SEZ6L: variants seen among roughly 807,000 people sequenced by gnomAD.
SEZ6L encodes the protein seizure related 6 homolog like.
SEZ6L carries 37 observed loss-of-function variants against 106.2 expected under a neutral mutation model. The ratio of observed to expected loss-of-function variants is 0.35; its 90% confidence interval spans 0.27 to 0.46. The LOEUF (loss-of-function observed/expected upper bound fraction) is 0.46. SEZ6L is among the 20% of genes least tolerant of loss of function. The pLI, the probability that SEZ6L is intolerant of heterozygous loss-of-function variation, is 1.00. For synonymous variants in SEZ6L, 541 were observed against 570.4 expected, an observed-to-expected ratio of 0.95 and a Z score of 0.73; for missense variants, 1,172 against 1,332.8, an observed-to-expected ratio of 0.88 and a Z score of 1.88.
intron 1 of SEZ6L, among the ~76,000 whole-genome samples, chr22:26,258,770 G>A (rs950643959): frequency 2.0e-5 from 3 of 152,232 alleles, no homozygotes; most frequent in Admixed American, 1.3e-4. Context: ...GGGGAGTGAA[G>A]GAGTTGAGGC....
intron 14 of SEZ6L, among the ~76,000 whole-genome samples, chr22:26,374,095 A>G (rs1236616823): frequency 6.6e-6 from 1 of 152,074 alleles, no homozygotes; most frequent in African/African-American, 2.4e-5. Context: ...CGTGTGTAAA[A>G]TGTCCAGCGT....
Position 26,294,377 on chromosome 22 carries a change from G to A in SEZ6L, c.921G>A (p.Glu307=). 1.2e-6 allele frequency: 2 copies of A among 1,614,120 alleles called. No homozygotes were observed. Among genetic ancestry groups the A allele is most frequent in the Non-Finnish European group, 8.5e-7 (1 of 1,180,014 alleles). Residue 307 remains glutamate (E), a synonymous_variant, in exon 3 of 17, where the codon GAG becomes GAA. Coordinates refer to ENST00000248933, the MANE Select transcript of SEZ6L (RefSeq NM_021115.5). ...TGCTGCCCCTCAACAACTTTCTGGAGTGCACATACAACGTGACAGTCTACA... is the reference window on the plus strand; with the variant it reads ...TGCTGCCCCTCAACAACTTTCTGGAATGCACATACAACGTGACAGTCTACA... ...YPLLPLNNFL[E]CTYNVTVYTG... is the part of the protein sequence containing the mutation.
intron 1 of SEZ6L, among the ~76,000 whole-genome samples, chr22:26,283,073 C>T (rs1008041306): frequency 6.6e-6 from 1 of 151,932 alleles, no homozygotes; most frequent in Non-Finnish European, 1.5e-5. Context: ...ACAGGTGTGC[C>T]GCCACACCTG....
At chr22:26,314,898 A>G (rs1409301184) in intron 9 of SEZ6L, among the ~76,000 whole-genome samples, 2 of 152,248 alleles carry the variant, frequency 1.3e-5, no homozygotes, top group Admixed American at 6.5e-5. Context: ...GCTGAAATTC[A>G]GGCTTCTGTG....
intron 1 of SEZ6L, among the ~76,000 whole-genome samples, chr22:26,282,792 G>A (rs1280105377): frequency 6.6e-6 from 1 of 152,216 alleles, no homozygotes; most frequent in Non-Finnish European, 1.5e-5. Flanking sequence ...CTTCACTGCT[G>A]AAGAGCAGCA....
intron 1 of SEZ6L, among the ~76,000 whole-genome samples, chr22:26,170,646 A>T (rs1289646518): frequency 1.3e-5 from 2 of 152,094 alleles, no homozygotes; most frequent in Non-Finnish European, 2.9e-5. Flanking sequence ...AGAGGGCCAG[A>T]TAGAGAGAGG....
chr22:26,181,407 T>G (rs1231258498), intron 1 of SEZ6L, among the ~76,000 whole-genome samples: 4 of 152,202 alleles, frequency 2.6e-5, no homozygotes, highest in Non-Finnish European at 5.9e-5. Context: ...TGGAAATTAA[T>G]GTAAAATATG....
At chr22:26,254,309 C>T (rs983453563) in intron 1 of SEZ6L, among the ~76,000 whole-genome samples, 3 of 151,652 alleles carry the variant, frequency 2.0e-5, no homozygotes, top group African/African-American at 7.3e-5. Flanking sequence ...CACAAAGATG[C>T]TCATTAACTA....
At chr22:26,277,771 C>G (rs1601354149) in intron 1 of SEZ6L, among the ~76,000 whole-genome samples, 1 of 152,102 alleles carries the variant, frequency 6.6e-6, no homozygotes, top group Admixed American at 6.6e-5. Flanking sequence ...AGAACCATGG[C>G]CACAGAATGG....
intron 1 of SEZ6L, among the ~76,000 whole-genome samples, chr22:26,174,438 G>A (rs867387577): frequency 9.9e-5 from 15 of 152,162 alleles, no homozygotes; most frequent in Admixed American, 4.6e-4. Context: ...ATAATCTGTC[G>A]GACCTGCCTG....
At chr22:26,369,499 C>T (rs2083946145) in intron 13 of SEZ6L, among the ~76,000 whole-genome samples, 1 of 151,462 alleles carries the variant, frequency 6.6e-6, no homozygotes, top group African/African-American at 2.4e-5. Flanking sequence ...CGCCACCACA[C>T]CCGGCTAATT....
At chr22:26,354,511 G>C (rs1019633009) in intron 12 of SEZ6L, among the ~76,000 whole-genome samples, 14 of 152,150 alleles carry the variant, frequency 9.2e-5, no homozygotes, top group African/African-American at 3.4e-4. Flanking sequence ...GTGGTCCTTT[G>C]TCAAGGGCAG....
rs200709491 is a variant in SEZ6L at position 26,347,842 on chromosome 22, T to C, written c.2336T>C (p.Ile779Thr). The change falls in exon 11 of 17, where the codon ATC becomes ACC. Residue 779 changes from isoleucine (I) to threonine (T), a missense_variant. Around this residue, in one of 4 missense-constraint regions of SEZ6L, gnomAD observed 534 missense variants for 691.0 expected, o/e 0.77. Coordinates refer to ENST00000248933, the MANE Select transcript of SEZ6L (RefSeq NM_021115.5). The stretch of plus-strand genomic sequence containing the variant: ...TACCAGTGTGACCCCGGCTATGACA[T>C]CGTGGGGAGTGACACCCTCACCTGC... ...ITYQCDPGYDIVGSDTLTCQW... is the reference protein window; with the variant it reads ...ITYQCDPGYDTVGSDTLTCQW... 8.1e-6 allele frequency: 13 copies of C among 1,602,028 alleles called. No homozygotes were observed. Among genetic ancestry groups the C allele is most frequent in the Non-Finnish European group, 8.5e-6 (10 of 1,176,150 alleles).
intron 1 of SEZ6L, among the ~76,000 whole-genome samples, chr22:26,251,940 C>T (rs2079606742): frequency 6.6e-6 from 1 of 152,144 alleles, no homozygotes; most frequent in African/African-American, 2.4e-5. Context: ...CCTTTGGAAT[C>T]CTGAGATCAC....
intron 13 of SEZ6L, among the ~76,000 whole-genome samples, chr22:26,373,196 C>T (rs1431233590): frequency 6.6e-6 from 1 of 152,132 alleles, no homozygotes; most frequent in Admixed American, 6.5e-5. Flanking sequence ...TTTGGACACG[C>T]GGTGAGTGTT....
chr22:26,314,095 C>CACAGAG (rs1491457169), intron 9 of SEZ6L, among the ~76,000 whole-genome samples, 193 bp downstream of exon 9: 12,978 of 136,010 alleles, frequency 0.095, 712 homozygotes, highest in Middle Eastern at 0.14. Flanking sequence ...CACACACACA[C>CACAGAG]AGAGAGAGAG....
At chr22:26,286,074 A>G (rs17394959) in intron 1 of SEZ6L, among the ~76,000 whole-genome samples, 1 of 152,200 alleles carries the variant, frequency 6.6e-6, no homozygotes, top group Non-Finnish European at 1.5e-5. Context: ...AACCACTGGA[A>G]TGGGTATTAA....
chr22:26,253,785 A>C (rs1056642804), intron 1 of SEZ6L, among the ~76,000 whole-genome samples: 3 of 152,252 alleles, frequency 2.0e-5, no homozygotes, highest in Admixed American at 6.5e-5. Context: ...TATATAAATA[A>C]GTATACAGTA....
chr22:26,376,640 T>C (rs1427710921), intron 15 of SEZ6L, among the ~76,000 whole-genome samples: 2 of 152,076 alleles, frequency 1.3e-5, no homozygotes, highest in Non-Finnish European at 2.9e-5. Context: ...TCCCAGCTAC[T>C]TGGGAAGCTG....
Sources: allele counts gnomAD v4.1 joint callset (sites outside exome capture counted in the v4.1 genomes callset), GRCh38; gene constraint gnomAD v4.1.1; regional missense constraint gnomAD v4.1.1; transcripts MANE v1.5; gene names NCBI Gene and HGNC (gene_info 2026-07-23, HGNC 2026-07-21).